PVALEF: variants seen among roughly 807,000 people sequenced by gnomAD.
The protein encoded by PVALEF is parvalbumin-like EF-hand-containing protein.
PVALEF carries 2 observed loss-of-function variants against 1.2 expected under a neutral mutation model. The observed-to-expected ratio is 1.68, with a 90% CI of 0.69 to 5.28. The LOEUF (loss-of-function observed/expected upper bound fraction) is 5.28, where lower values mean the gene tolerates loss of function less well. Among genes scored for constraint, PVALEF ranks in the 30% most tolerant of loss-of-function variants. The pLI, the probability that PVALEF is intolerant of heterozygous loss-of-function variation, is 0.06. For missense variants in PVALEF, 35 were observed against 17.7 expected, an observed-to-expected ratio of 1.97 and a Z score of -1.75; for synonymous variants, 16 against 6.5, an observed-to-expected ratio of 2.47 and a Z score of -2.24.
At chr17:81,169,568 T>C (rs4969417) in intron 2 of PVALEF, among the ~76,000 whole-genome samples, 1 of 152,084 alleles carries the variant, frequency 6.6e-6, no homozygotes, top group South Asian at 2.1e-4. Flanking sequence ...ACTGCACATA[T>C]GTCTGTGCAT....
At chr17:81,171,249 G>A (rs1163867788) in intron 2 of PVALEF, among the ~76,000 whole-genome samples, 4 of 152,178 alleles carry the variant, frequency 2.6e-5, no homozygotes, top group Admixed American at 6.5e-5. Flanking sequence ...AAATGAAGCC[G>A]AAAGGGCCGC....
chr17:81,168,283 T>G (rs2146441572), intron 2 of PVALEF, among the ~76,000 whole-genome samples: 1 of 152,316 alleles, frequency 6.6e-6, no homozygotes, highest in East Asian at 1.9e-4. Context: ...CAGTTTTGCC[T>G]GTGAACACAC....
chr17:81,176,466 C>T (rs1298643215), intron 2 of PVALEF, among the ~76,000 whole-genome samples: 5 of 152,016 alleles, frequency 3.3e-5, no homozygotes, highest in Non-Finnish European at 5.9e-5. Context: ...TGCAGTGAGC[C>T]GAGGTCATGC....
At position 81,165,784 on chromosome 17, in the gene PVALEF, C is replaced by G. The variant is rs754739473; in HGVS notation, c.-508+37C>G. 6.0e-6 allele frequency: 9 copies of G among 1,505,156 alleles called. No individual in the cohort carries two copies. In the South Asian group the frequency reaches 7.4e-5, roughly 12 times the overall value. The allele number at this position is 1,505,156 out of a possible 1,614,324, so 93.2% of individuals were successfully genotyped here. A position where few individuals can be genotyped will look rare whatever the true frequency, so the allele number is the denominator to read the frequency against. On this transcript the variant is annotated intron_variant, in intron 1 of 6. Coordinates refer to ENST00000637878, the MANE Select transcript of PVALEF (RefSeq NM_001354639.2). ...GGCCCAGGGCCTGCCCCTCCGAGAT[C>G]TGGGGCCGCCAGGGGGTCCGGCTGC... is the stretch of plus-strand genomic sequence containing the variant.
intron 2 of PVALEF, among the ~76,000 whole-genome samples, chr17:81,172,158 G>A (rs2061522839): frequency 6.6e-6 from 1 of 152,212 alleles, no homozygotes; most frequent in Non-Finnish European, 1.5e-5. Flanking sequence ...GTTCCATTGT[G>A]TGGACGGACT....
intron 1 of PVALEF, chr17:81,165,962 C>T (rs868005240): frequency 6.3e-7 from 1 of 1,585,556 alleles, no homozygotes; most frequent in Non-Finnish European, 8.6e-7. Context: ...GAGCTGAAGG[C>T]GAAGCTGGGG....
At chr17:81,165,957 GA>G in intron 1 of PVALEF, 1 of 1,585,836 alleles carries the variant, frequency 6.3e-7, no homozygotes, top group South Asian at 1.2e-5. Flanking sequence ...AGTGCGAGCT[GA>G]AGGCGAAGCT....
intron 1 of PVALEF, chr17:81,166,004 CG>C (rs1567833256): frequency 6.4e-7 from 1 of 1,555,928 alleles, no homozygotes; most frequent in Non-Finnish European, 8.7e-7. Flanking sequence ...GCCGGGCCAG[CG>C]GCCGGCGGGC....
chr17:81,173,366 C>A (rs990006654), intron 2 of PVALEF, among the ~76,000 whole-genome samples: 2 of 152,180 alleles, frequency 1.3e-5, no homozygotes, highest in African/African-American at 4.8e-5. Context: ...ACCTGCATGT[C>A]CTGGGAGACG....
chr17:81,181,994 G>A lies in PVALEF; in HGVS notation c.271G>A (p.Gly91Arg), dbSNP rs1276892311. ...KYILSIIPSS[G>R]PTTPLTDEEA... ...CATCCTGTCCATCATCCCCAGCAGC[G>A]GGCCCACCACCCCGCTGACAGACGA... The change falls in exon 6 of 7, where the codon GGG (glycine) becomes AGG (arginine). Residue 91 changes from glycine (G) to arginine (R), a missense_variant. By Grantham distance (125) the Gly-to-Arg change is moderately radical. Coordinates refer to ENST00000637878, the MANE Select transcript of PVALEF (RefSeq NM_001354639.2). 1.3e-5 allele frequency: 5 copies of A among 398,584 alleles called. No homozygotes were observed. Among genetic ancestry groups the A allele is most frequent in the East Asian group, 3.6e-5 (1 of 28,092 alleles). The allele number at this position is 398,584 out of a possible 1,614,324, so 24.7% of individuals were successfully genotyped here.
intron 2 of PVALEF, among the ~76,000 whole-genome samples, chr17:81,176,134 A>C (rs1027581082): frequency 6.6e-6 from 1 of 152,270 alleles, no homozygotes; most frequent in African/African-American, 2.4e-5. Context: ...ACTTGAATAA[A>C]TAAGACATTT....
At position 81,181,595 on chromosome 17, in the gene PVALEF, G is replaced by A. The variant is rs963878155; in HGVS notation, c.143G>A (p.Arg48His). 12 of 434,018 alleles carry A rather than the reference G, an allele frequency of 2.8e-5. No individual in the cohort carries two copies. The highest frequency in any genetic ancestry group is 8.1e-5 in the African/African-American group (4 of 49,466). The allele number at this position is 434,018 out of a possible 1,614,324, so 26.9% of individuals were successfully genotyped here. ...TACCTCAAGTTCTTCAAGCACATCC[G>A]CAAGCTCCACGCCTCGGGCCAGCTG... ...FNYLKFFKHIRKLHASGQLDD... is the reference protein window; with the variant it reads ...FNYLKFFKHIHKLHASGQLDD... The change falls in exon 5 of 7, where the codon CGC (arginine) becomes CAC (histidine). Residue 48 changes from arginine (R) to histidine (H), a missense_variant. Transcript: ENST00000637878.
rs1012631915 is a variant in PVALEF at position 81,181,196 on chromosome 17, C to T, written c.-31C>T. 5.7e-6 allele frequency: 4 copies of T among 703,154 alleles called. No individual in the cohort carries two copies. The highest frequency in any genetic ancestry group is 2.0e-5 in the Admixed American group (1 of 49,994). The allele number at this position is 703,154 out of a possible 1,614,324, so 43.6% of individuals were successfully genotyped here. ...ACCCCCAATCCGTGCGTGCACCCCACGAATTGACTCCCTATCCACCCAGGA... is the reference window on the plus strand; with the variant it reads ...ACCCCCAATCCGTGCGTGCACCCCATGAATTGACTCCCTATCCACCCAGGA... On this transcript the variant is annotated 5_prime_UTR_variant, in exon 4 of 7. It adds an upstream start codon to the 5' untranslated region. Coordinates refer to ENST00000637878, the MANE Select transcript of PVALEF (RefSeq NM_001354639.2).
At position 81,181,145 on chromosome 17, in the gene PVALEF, T is replaced by A. The variant is rs762137063; in HGVS notation, c.-82T>A. 8.7e-6 allele frequency: 6 copies of A among 691,434 alleles called. No homozygotes were observed. The Admixed American group carries it at 1.0e-4, about 12-fold the overall frequency. The allele number at this position is 691,434 out of a possible 1,614,324, so 42.8% of individuals were successfully genotyped here. A position where few individuals can be genotyped will look rare whatever the true frequency, so the allele number is the denominator to read the frequency against. On this transcript the variant is annotated 5_prime_UTR_variant, in exon 4 of 7. Transcript: ENST00000637878. ...CAGCAGGATCCAGCACCACGCGGCG[T>A]CTACGTCTGCTCTGGCCCAAGCAGC...
At chr17:81,174,948 CAAAA>C (rs35163275) in intron 2 of PVALEF, among the ~76,000 whole-genome samples, 1 of 131,684 alleles carries the variant, frequency 7.6e-6, no homozygotes, top group Non-Finnish European at 1.6e-5. Flanking sequence ...GACTCCGTCT[CAAAA>C]AAAAAAAAAA....
intron 2 of PVALEF, among the ~76,000 whole-genome samples, chr17:81,177,577 A>G (rs899842148): frequency 6.6e-6 from 1 of 152,034 alleles, no homozygotes; most frequent in African/African-American, 2.4e-5. Context: ...AAAAAAAGGC[A>G]AAGATGGTAA....
At chr17:81,173,222 G>A (rs1311152417) in intron 2 of PVALEF, among the ~76,000 whole-genome samples, 1 of 152,196 alleles carries the variant, frequency 6.6e-6, no homozygotes, top group Admixed American at 6.5e-5. Context: ...TATTTTAGGA[G>A]CTTCATGAGC....
intron 3 of PVALEF, among the ~76,000 whole-genome samples, chr17:81,180,803 T>C (rs550617888): frequency 6.6e-6 from 1 of 152,084 alleles, no homozygotes; most frequent in East Asian, 1.9e-4. Context: ...CCGCCCCTCC[T>C]GGCAGCAAGA....
chr17:81,165,837 A>C, intron 1 of PVALEF, 90 bp downstream of exon 1: 1 of 1,515,152 alleles, frequency 6.6e-7, no homozygotes, highest in South Asian at 1.2e-5. Context: ...GGGCGGGGAA[A>C]GGGTTAATTT....
Sources: allele counts gnomAD v4.1 joint callset (sites outside exome capture counted in the v4.1 genomes callset), GRCh38; gene constraint gnomAD v4.1.1; transcripts MANE v1.5; gene names NCBI Gene and HGNC (gene_info 2026-07-23, HGNC 2026-07-21).